The following ZMYND8 variants were observed in gnomAD, a reference collection of about 807,000 sequenced individuals.
ZMYND8 encodes MYND-type zinc finger-containing chromatin reader ZMYND8.
Under a neutral mutation model 140.8 loss-of-function variants are expected in ZMYND8, and 37 were observed. That is an observed-to-expected ratio of 0.26 (90% confidence interval 0.20 to 0.35). The LOEUF (loss-of-function observed/expected upper bound fraction) is 0.35, where lower values mean the gene tolerates loss of function less well. Ranked by LOEUF, ZMYND8 falls within the 10% of genes least tolerant of loss-of-function variation. The probability of loss-of-function intolerance (pLI) is 1.00; values close to 1 mark genes in which losing one functional copy is unlikely to be tolerated. For synonymous variants in ZMYND8, 592 were observed against 597.1 expected, an observed-to-expected ratio of 0.99 and a Z score of 0.12; for missense variants, 1,068 against 1,570.0, an observed-to-expected ratio of 0.68 and a Z score of 5.40.
At chr20:47,270,365 C>A (rs1279541115) in intron 11 of ZMYND8, among the ~76,000 whole-genome samples, 1 of 116,500 alleles carries the variant, frequency 8.6e-6, no homozygotes, top group Non-Finnish European at 1.7e-5. Context: ...AAGAGTGAAA[C>A]TCCATCTCAA....
At chr20:47,241,476 G>T (rs376481202) in intron 14 of ZMYND8, among the ~76,000 whole-genome samples, 2 of 152,054 alleles carry the variant, frequency 1.3e-5, no homozygotes, top group Non-Finnish European at 2.9e-5. Context: ...TTCAACAGGC[G>T]GAAAGTGAGA....
intron 2 of ZMYND8, chr20:47,318,362 G>A: frequency 3.4e-6 from 1 of 296,320 alleles, no homozygotes; most frequent in East Asian, 9.3e-5. Flanking sequence ...AGCAGAGCAT[G>A]GTTAATCACT....
At chr20:47,332,561 T>G (rs946546067) in intron 2 of ZMYND8, among the ~76,000 whole-genome samples, 2 of 151,782 alleles carry the variant, frequency 1.3e-5, no homozygotes, top group African/African-American at 2.4e-5. Context: ...AATTAAAGAA[T>G]TAGTCAGGCA....
intron 1 of ZMYND8, chr20:47,348,168 T>C (rs2082488089): frequency 7.6e-6 from 4 of 523,716 alleles, no homozygotes; most frequent in South Asian, 2.1e-5. Flanking sequence ...TGTCATGCTA[T>C]TGGGGAATGC....
chr20:47,338,484 T>C (rs2148511647), intron 2 of ZMYND8, among the ~76,000 whole-genome samples: 1 of 151,694 alleles, frequency 6.6e-6, no homozygotes, highest in South Asian at 2.1e-4. Flanking sequence ...GACGCTGAGA[T>C]CACTGGGACT....
intron 3 of ZMYND8, among the ~76,000 whole-genome samples, chr20:47,309,008 A>G (rs2078713243): frequency 6.6e-6 from 1 of 152,218 alleles, no homozygotes; most frequent in African/African-American, 2.4e-5. Context: ...CTTCAGTGCT[A>G]TGAGATCCGA....
chr20:47,268,186 G>A (rs914435537), intron 11 of ZMYND8, among the ~76,000 whole-genome samples: 10 of 151,970 alleles, frequency 6.6e-5, no homozygotes, highest in African/African-American at 2.2e-4. Flanking sequence ...GAGGCCGGTC[G>A]CAGTGAGTCT....
At chr20:47,343,037 T>C (rs1423979289) in intron 2 of ZMYND8, among the ~76,000 whole-genome samples, 3 of 152,080 alleles carry the variant, frequency 2.0e-5, no homozygotes. Context: ...CCCAGCACTT[T>C]GGGAGGCCAA....
intron 12 of ZMYND8, among the ~76,000 whole-genome samples, chr20:47,256,103 A>G (rs760974204): frequency 6.6e-6 from 1 of 151,888 alleles, no homozygotes; most frequent in Non-Finnish European, 1.5e-5. Flanking sequence ...TTTTGTTCTA[A>G]AGCTGAACGC....
Position 47,246,536 on chromosome 20 carries a change from C to A in ZMYND8, c.1775-19G>T, listed in dbSNP as rs750750492. The A allele has an allele frequency of 4.5e-6, 7 of 1,552,002 alleles. No homozygotes were observed. The highest frequency in any genetic ancestry group is 5.2e-6 in the Non-Finnish European group (6 of 1,155,034). On this transcript the variant is annotated intron_variant, in intron 13 of 22. Coordinates refer to ENST00000471951, the MANE Select transcript of ZMYND8 (RefSeq NM_001281775.3). ...TTTATGCCTAAATTCAAAAAGAAAA[C>A]CCAGCATGTGGCGTAGTCACAAAAT...
intron 22 of ZMYND8, among the ~76,000 whole-genome samples, chr20:47,211,582 G>A (rs933894179): frequency 2.6e-5 from 4 of 152,182 alleles, no homozygotes; most frequent in Non-Finnish European, 4.4e-5. Context: ...GCTGAAGGAA[G>A]AGCCGAATGA....
At chr20:47,281,998 CAATAATGAG>C in intron 10 of ZMYND8, 95 bp downstream of exon 10, 1 of 962,092 alleles carries the variant, frequency 1.0e-6, no homozygotes, top group South Asian at 1.7e-5. Context: ...GGTATCATGA[CAATAATGAG>C]AATAATAGCT....
rs2082456725 is a variant in ZMYND8 at position 47,347,845 on chromosome 20, T to C, written c.85+11A>G. On this transcript the variant is annotated intron_variant, in intron 2 of 22. Transcript: ENST00000471951. ...TAGCTCTAGAATAGATAATACAAGA[T>C]TTTTACTCACCTTTGGAGCGAGTAG... is the stretch of plus-strand genomic sequence containing the variant. 1.9e-6 allele frequency: 3 copies of C among 1,613,212 alleles called. No individual in the cohort carries two copies. In the South Asian group the frequency reaches 3.3e-5, roughly 18 times the overall value.
intron 3 of ZMYND8, among the ~76,000 whole-genome samples, chr20:47,306,881 T>C (rs1439194845): frequency 6.6e-6 from 1 of 151,938 alleles, no homozygotes; most frequent in Non-Finnish European, 1.5e-5. Flanking sequence ...CAGAGGTGGA[T>C]GAAATGAGCA....
chr20:47,344,917 AG>A (rs568354022), intron 2 of ZMYND8, among the ~76,000 whole-genome samples: 1 of 152,198 alleles, frequency 6.6e-6, no homozygotes, highest in Non-Finnish European at 1.5e-5. Flanking sequence ...GTTTCAGACC[AG>A]CCTGGGCAAC....
chr20:47,304,453 C>T (rs761001686), intron 3 of ZMYND8, among the ~76,000 whole-genome samples: 1 of 152,180 alleles, frequency 6.6e-6, no homozygotes, highest in Non-Finnish European at 1.5e-5. Flanking sequence ...AGCTGTGTGC[C>T]AATAAAACTC....
intron 11 of ZMYND8, among the ~76,000 whole-genome samples, chr20:47,273,659 G>T (rs997363624): frequency 1.3e-5 from 2 of 152,110 alleles, no homozygotes; most frequent in Non-Finnish European, 2.9e-5. Context: ...TTGAGCTAGG[G>T]TCTCACTCTA....
At chr20:47,321,030 T>C (rs545318983) in intron 2 of ZMYND8, among the ~76,000 whole-genome samples, 1 of 152,326 alleles carries the variant, frequency 6.6e-6, no homozygotes, top group East Asian at 1.9e-4. Flanking sequence ...GGCTTCTGGG[T>C]TTGCAGAGAC....
At chr20:47,322,211 G>A (rs925761094) in intron 2 of ZMYND8, among the ~76,000 whole-genome samples, 3 of 151,884 alleles carry the variant, frequency 2.0e-5, no homozygotes, top group African/African-American at 7.3e-5. Context: ...CCAGGCCCAT[G>A]GTAAAGCGGC....
Sources: allele counts gnomAD v4.1 joint callset (sites outside exome capture counted in the v4.1 genomes callset), GRCh38; gene constraint gnomAD v4.1.1; transcripts MANE v1.5; gene names NCBI Gene and HGNC (gene_info 2026-07-23, HGNC 2026-07-21).